The following GAL3ST2 variants were observed in gnomAD, a reference collection of about 807,000 sequenced individuals.
GAL3ST2 encodes galactose-3-O-sulfotransferase 2, also known as beta-galactose-3-O-sulfotransferase 2.
A neutral mutation model predicts 12.9 loss-of-function variants in GAL3ST2; 16 were observed. The ratio of observed to expected loss-of-function variants is 1.24; its 90% CI spans 0.84 to 1.88. The LOEUF (loss-of-function observed/expected upper bound fraction) is 1.88, where lower values mean the gene tolerates loss of function less well. GAL3ST2 is among the 40% of genes most tolerant of loss of function. The probability of loss-of-function intolerance (pLI) is 0.00; values close to 1 mark genes in which losing one functional copy is unlikely to be tolerated. For missense variants in GAL3ST2, 639 were observed against 571.8 expected (o/e 1.12, Z -1.20); for synonymous variants, 302 against 273.9 (o/e 1.10, Z -1.01).
At chr2:241,788,568 C>CA (rs1699655058) in intron 1 of GAL3ST2, among the ~76,000 whole-genome samples, 1 of 152,144 alleles carries the variant, frequency 6.6e-6, no homozygotes, top group African/African-American at 2.4e-5. Flanking sequence ...AAATGAGAGA[C>CA]TGAGTTTTTC....
At position 241,801,807 on chromosome 2, in the gene GAL3ST2, C is replaced by T. The variant is rs138866117; in HGVS notation, c.146C>T (p.Pro49Leu). The stretch of plus-strand genomic sequence containing the variant: ...CTGTTTGGGGGCCAGGCTGAGGGGC[C>T]GCCGGTCACCAACATCATGTTCCTG... The part of the protein sequence containing the change: ...TPLFGGQAEG[P>L]PVTNIMFLKT... The change falls in exon 3 of 4, where the codon CCG becomes CTG. Residue 49 changes from proline (P) to leucine (L), a missense_variant. By Grantham distance (98) the Pro-to-Leu change is moderately conservative. Coordinates refer to ENST00000192314, the MANE Select transcript of GAL3ST2 (RefSeq NM_022134.3). The surrounding 1 kb of genome is among the most constrained non-coding windows in gnomAD (Gnocchi z 4.4). 3.1e-6 allele frequency: 5 copies of T among 1,612,674 alleles called. No homozygotes were observed. Among genetic ancestry groups the T allele is most frequent in the Admixed American group, 1.7e-5 (1 of 60,006 alleles).
intron 1 of GAL3ST2, among the ~76,000 whole-genome samples, chr2:241,780,086 A>C (rs1220311185): frequency 6.6e-6 from 1 of 152,244 alleles, no homozygotes; most frequent in South Asian, 2.1e-4. Flanking sequence ...AAATGGGAAA[A>C]AAAGAAAAAA....
intron 1 of GAL3ST2, among the ~76,000 whole-genome samples, 160 bp downstream of exon 1, chr2:241,777,144 C>T (rs995583820): frequency 6.6e-5 from 10 of 152,212 alleles, no homozygotes; most frequent in African/African-American, 2.4e-4. Context: ...GTCTTGGCTT[C>T]GTTTCGGAAG....
chr2:241,798,802 G>A (rs1338638541), intron 1 of GAL3ST2, among the ~76,000 whole-genome samples: 2 of 152,208 alleles, frequency 1.3e-5, no homozygotes, highest in Non-Finnish European at 2.9e-5. Context: ...GAACCCCAGG[G>A]AAAGGGATGG....
chr2:241,796,340 G>T (rs760599547), intron 1 of GAL3ST2, among the ~76,000 whole-genome samples: 1 of 152,076 alleles, frequency 6.6e-6, no homozygotes, highest in Non-Finnish European at 1.5e-5. Context: ...GCGGGACCCA[G>T]AGCTCCTTGG....
chr2:241,784,257 T>A (rs1699601527), intron 1 of GAL3ST2, among the ~76,000 whole-genome samples: 1 of 152,112 alleles, frequency 6.6e-6, no homozygotes, highest in Non-Finnish European at 1.5e-5. Context: ...ATGGTCTCGA[T>A]CTCCTAACCT....
Position 241,802,297 on chromosome 2 carries a change from C to T in GAL3ST2, c.375+261C>T, listed in dbSNP as rs532584300. ...CCCAAGGGCGTCCCCAGCGCTCCCC[C>T]GCTTCTCTGGCCTCCTAGTTGTGCA... On this transcript the variant is annotated intron_variant, in intron 3 of 3. Coordinates refer to ENST00000192314, the MANE Select transcript of GAL3ST2 (RefSeq NM_022134.3). This position sits in a 1 kb window ranked among gnomAD's most constrained non-coding sequence, Gnocchi z 4.8. Among the ~76,000 whole-genome samples, 15 of 152,358 alleles carry T rather than the reference C, an allele frequency of 9.8e-5. No individual in the cohort carries two copies. Among genetic ancestry groups the T allele is most frequent in the Admixed American group, 3.3e-4 (5 of 15,314 alleles).
intron 1 of GAL3ST2, among the ~76,000 whole-genome samples, chr2:241,778,052 G>T (rs1243202903): frequency 2.6e-5 from 4 of 152,208 alleles, no homozygotes; most frequent in Non-Finnish European, 5.9e-5. Flanking sequence ...CATGCAGGCT[G>T]CACGTCCCAC....
intron 1 of GAL3ST2, among the ~76,000 whole-genome samples, chr2:241,792,389 C>T (rs1699704196): frequency 6.6e-6 from 1 of 151,358 alleles, no homozygotes; most frequent in Non-Finnish European, 1.5e-5. Context: ...TTCTTAAAGC[C>T]CTGCAAACTG....
chr2:241,804,107 C>CT lies in GAL3ST2; in HGVS notation c.1139dup (p.Tyr381ValfsTer?). The CT allele has an allele frequency of 6.6e-7, 1 of 1,515,106 alleles. No individual in the cohort carries two copies. The highest frequency in any genetic ancestry group is 2.2e-5 in the Admixed American group (1 of 46,278). 93.9% of individuals were successfully genotyped at this position (1,515,106 alleles called of 1,614,324 possible). Reference sequence around the variant, plus strand: ...GCCTGAGCTCCAGTACATGGCCCGCCTGTACGCCCTGCAGTTCCCGGAGAA... The same window carrying CT: ...GCCTGAGCTCCAGTACATGGCCCGCCTTGTACGCCCTGCAGTTCCCGGAGAA... On this transcript the variant is annotated frameshift_variant, in exon 4 of 4. Transcript: ENST00000192314. LOFTEE classifies it low-confidence loss of function (END_TRUNC).
intron 1 of GAL3ST2, among the ~76,000 whole-genome samples, chr2:241,798,242 CCT>C (rs1699797937): frequency 6.6e-6 from 1 of 152,246 alleles, no homozygotes; most frequent in Admixed American, 6.5e-5. Flanking sequence ...GTGGGCCCCG[CCT>C]CTCTGTTTGG....
intron 1 of GAL3ST2, among the ~76,000 whole-genome samples, chr2:241,787,540 C>CTCCTTTTTTTT (rs762011937): frequency 7.3e-6 from 1 of 136,274 alleles, no homozygotes; most frequent in African/African-American, 2.8e-5. Context: ...ACTTCTCCTC[C>CTCCTTTTTTTT]TTTTTTTTTT....
intron 1 of GAL3ST2, among the ~76,000 whole-genome samples, chr2:241,784,706 C>T (rs1699608350): frequency 6.6e-6 from 1 of 152,108 alleles, no homozygotes; most frequent in African/African-American, 2.4e-5. Flanking sequence ...AATACATAGA[C>T]ATATTAGGCA....
chr2:241,787,835 G>A (rs187141434), intron 1 of GAL3ST2, among the ~76,000 whole-genome samples: 22 of 151,886 alleles, frequency 1.4e-4, no homozygotes, highest in African/African-American at 5.3e-4. Flanking sequence ...TTTTGTTGTC[G>A]TTGTTTGTTC....
chr2:241,797,934 G>A (rs1335273009), intron 1 of GAL3ST2, among the ~76,000 whole-genome samples: 1 of 152,190 alleles, frequency 6.6e-6, no homozygotes, highest in Admixed American at 6.5e-5. Context: ...CTTGCCGAGT[G>A]CAGGTGTGGT....
chr2:241,802,460 G>C lies in GAL3ST2; in HGVS notation c.375+424G>C, dbSNP rs1367133093. Among the ~76,000 whole-genome samples, 2 of 152,190 alleles carry C rather than the reference G, an allele frequency of 1.3e-5. No individual in the cohort carries two copies. The highest frequency in any genetic ancestry group is 1.3e-4 in the Admixed American group (2 of 15,286). On this transcript the variant is annotated intron_variant, in intron 3 of 3. Transcript: ENST00000192314. The surrounding 1 kb of genome is among the most constrained non-coding windows in gnomAD (Gnocchi z 4.8). ...CCTTACAAAGGAAGCAGGGCAGGGA[G>C]TGTGGGTGGGAGGGCTGTGGGCAGG...
chr2:241,784,669 A>G (rs997236471), intron 1 of GAL3ST2, among the ~76,000 whole-genome samples: 2 of 152,328 alleles, frequency 1.3e-5, no homozygotes, highest in Non-Finnish European at 2.9e-5. Context: ...TATTTTTACT[A>G]GTGAAACATT....
chr2:241,802,983 C>T lies in GAL3ST2; in HGVS notation c.376-362C>T, dbSNP rs73106184. Among the ~76,000 whole-genome samples, 1,117 of 152,066 alleles carry T rather than the reference C, an allele frequency of 7.3e-3. 24 individuals carry two copies. Among genetic ancestry groups the T allele is most frequent in the African/African-American group, 0.025 (1,037 of 41,472 alleles). ...AGGGGCCCGTGGAGGGCCCTTCGTG[C>T]TGTCTGTGCGCCACAGCATCCCACT... On this transcript the variant is annotated intron_variant, in intron 3 of 3. Coordinates refer to ENST00000192314, the MANE Select transcript of GAL3ST2 (RefSeq NM_022134.3). The surrounding 1 kb of genome is among the most constrained non-coding windows in gnomAD (Gnocchi z 4.8).
chr2:241,796,141 CA>C (rs1699769803), intron 1 of GAL3ST2, among the ~76,000 whole-genome samples: 1 of 152,212 alleles, frequency 6.6e-6, no homozygotes, highest in South Asian at 2.1e-4. Flanking sequence ...GACAAGATGT[CA>C]TACGAAGAGG....
Sources: gnomAD v4.1 joint callset for allele counts (sites outside exome capture counted in the v4.1 genomes callset) on GRCh38, gnomAD v4.1.1 for gene constraint, Gnocchi (gnomAD v3.1) non-coding constraint, MANE v1.5 for transcripts, NCBI Gene and HGNC (gene_info 2026-07-23, HGNC 2026-07-21) for gene names.